The following NARS2 variants were observed in gnomAD, a reference collection of about 807,000 sequenced individuals.
NARS2 encodes the protein asparaginyl-tRNA synthetase.
In NARS2, 60 loss-of-function variants were observed where a neutral mutation model predicts 62.9. That is an observed-to-expected ratio of 0.95 (90% CI 0.77 to 1.18). NARS2 has a LOEUF of 1.18. NARS2 is among the 50% of genes most tolerant of loss of function. NARS2 has a pLI of 0.00. For missense variants in NARS2, 619 were observed against 576.4 expected (o/e 1.07, Z -0.76); for synonymous variants, 196 against 200.0 (o/e 0.98, Z 0.17).
rs1861079913 is a variant in NARS2, at chr11:78,520,631, C to T, written c.689+8211G>A. ...ACAGAATAAAGCCCACTGAATCCTT[C>T]CATAAATCTAAGCTATATATGGGGT... On this transcript the variant is annotated intron_variant, in intron 6 of 13. Transcript: ENST00000281038. Among the ~76,000 whole-genome samples the T allele has an allele frequency of 2.6e-5, 4 of 152,280 alleles. No homozygotes were observed. In the South Asian group the frequency reaches 8.3e-4, roughly 32 times the overall value.
chr11:78,491,937 G>A (rs951350969), intron 7 of NARS2, among the ~76,000 whole-genome samples: 6 of 152,032 alleles, frequency 3.9e-5, no homozygotes, highest in African/African-American at 1.5e-4. Flanking sequence ...GAACAGAAAG[G>A]AGAGTTGATG....
At chr11:78,441,269 G>T in intron 12 of NARS2, 152 bp from the exon 13 acceptor site, 1 of 609,308 alleles carries the variant, frequency 1.6e-6, no homozygotes, top group Non-Finnish European at 2.8e-6. Context: ...TAGTTGAGGA[G>T]CTGAAACCAT....
At chr11:78,453,115 A>C (rs970382580) in intron 11 of NARS2, among the ~76,000 whole-genome samples, 1 of 152,220 alleles carries the variant, frequency 6.6e-6, no homozygotes, top group African/African-American at 2.4e-5. Flanking sequence ...GGCTTGAACT[A>C]AGCAGAAGGA....
At chr11:78,482,950 A>G (rs866132975) in intron 7 of NARS2, among the ~76,000 whole-genome samples, 1 of 152,208 alleles carries the variant, frequency 6.6e-6, no homozygotes, top group African/African-American at 2.4e-5. Context: ...AGAAAATTTC[A>G]GGCCAATATC....
chr11:78,466,780 G>A (rs141402994), intron 10 of NARS2, among the ~76,000 whole-genome samples: 59 of 152,138 alleles, frequency 3.9e-4, no homozygotes, highest in African/African-American at 1.3e-3. Flanking sequence ...AGTGATGGCC[G>A]GTGACTTCTT....
At chr11:78,465,729 G>A in intron 11 of NARS2, 147 bp downstream of exon 11, 1 of 861,394 alleles carries the variant, frequency 1.2e-6, no homozygotes, top group Non-Finnish European at 1.7e-6. Context: ...GATCTTCTTT[G>A]GGAAAAATTT....
At chr11:78,553,156 G>C (rs7481910) in intron 5 of NARS2, among the ~76,000 whole-genome samples, 99,082 of 152,022 alleles carry the variant, frequency 0.65, 35,433 homozygotes, top group Non-Finnish European at 0.81. Flanking sequence ...CCACTGACTG[G>C]TGTGAGATGG....
chr11:78,568,782 A>G (rs2135540577), intron 2 of NARS2, 30 bp from the exon 3 acceptor site: 3 of 1,504,644 alleles, frequency 2.0e-6, no homozygotes, highest in East Asian at 2.3e-5. Flanking sequence ...GATAAACAAG[A>G]TATCATTATA....
chr11:78,533,115 G>A (rs1004684605), intron 5 of NARS2: 6 of 152,128 alleles, frequency 3.9e-5, no homozygotes, highest in African/African-American at 9.7e-5. Context: ...ATTGACTCCT[G>A]CTGTTTTGCC....
At chr11:78,470,690 T>C (rs886160571) in intron 9 of NARS2, among the ~76,000 whole-genome samples, 6 of 152,148 alleles carry the variant, frequency 3.9e-5, no homozygotes, top group African/African-American at 1.4e-4. Flanking sequence ...CTATTTAATA[T>C]TACAAAGTTA....
At chr11:78,503,114 C>T (rs181616714) in intron 6 of NARS2, among the ~76,000 whole-genome samples, 1 of 151,868 alleles carries the variant, frequency 6.6e-6, no homozygotes, top group Admixed American at 6.6e-5. Context: ...ACTTCAGAAA[C>T]TGAGGCTTAG....
At chr11:78,514,128 TTC>T (rs1484161475) in intron 6 of NARS2, among the ~76,000 whole-genome samples, 4 of 152,116 alleles carry the variant, frequency 2.6e-5, no homozygotes, top group African/African-American at 4.8e-5. Context: ...TCTCAGGTAT[TTC>T]TCTCTTTTTT....
chr11:78,451,606 C>T lies in NARS2; in HGVS notation c.1165-7848G>A, dbSNP rs907430189. Among the ~76,000 whole-genome samples the T allele has an allele frequency of 3.3e-5, 5 of 151,934 alleles. No homozygotes were observed. The South Asian group carries it at 6.2e-4, about 19-fold the overall frequency. ...GGGAGGCTGAGACTGGCTTATAGAG[C>T]CAAGGACAATAAAGACAGGAGGAAT... On this transcript the variant is annotated intron_variant, in intron 11 of 13. Coordinates refer to ENST00000281038, the MANE Select transcript of NARS2 (RefSeq NM_024678.6).
At chr11:78,499,062 GCCCGCCACCACGCCCGGCTAATTT>G (rs1860182854) in intron 6 of NARS2, among the ~76,000 whole-genome samples, 1 of 151,432 alleles carries the variant, frequency 6.6e-6, no homozygotes, top group Admixed American at 6.6e-5. Context: ...GACTACAGGC[GCCCGCCACCACGCCCGGCTAATTT>G]TTTGTATTTT....
intron 5 of NARS2, among the ~76,000 whole-genome samples, chr11:78,537,365 C>G (rs915867134): frequency 6.6e-6 from 1 of 152,196 alleles, no homozygotes; most frequent in African/African-American, 2.4e-5. Flanking sequence ...TACCAGGAAG[C>G]TGAAGAGGTG....
chr11:78,553,961 T>C (rs923509058), intron 5 of NARS2, among the ~76,000 whole-genome samples: 3 of 152,246 alleles, frequency 2.0e-5, no homozygotes, highest in Non-Finnish European at 4.4e-5. Context: ...TGCATACGGC[T>C]AGCCAGTTGT....
At chr11:78,483,474 G>T (rs1048555858) in intron 7 of NARS2, among the ~76,000 whole-genome samples, 2 of 152,180 alleles carry the variant, frequency 1.3e-5, no homozygotes, top group African/African-American at 2.4e-5. Flanking sequence ...TGACATGATT[G>T]TATATTTAGA....
At chr11:78,437,390 T>C (rs1198744418) in intron 13 of NARS2, among the ~76,000 whole-genome samples, 1 of 152,200 alleles carries the variant, frequency 6.6e-6, no homozygotes, top group African/African-American at 2.4e-5. Flanking sequence ...GGCACAAAAA[T>C]ATATGCTTGA....
intron 6 of NARS2, among the ~76,000 whole-genome samples, chr11:78,501,673 T>C (rs371983764): frequency 1.7e-4 from 26 of 152,336 alleles, no homozygotes; most frequent in East Asian, 7.7e-4. Flanking sequence ...GGTTTTTTGA[T>C]GGCTAAATTT....
Sources: gnomAD v4.1 joint callset for allele counts (sites outside exome capture counted in the v4.1 genomes callset) on GRCh38, gnomAD v4.1.1 for gene constraint, MANE v1.5 for transcripts, NCBI Gene and HGNC (gene_info 2026-07-23, HGNC 2026-07-21) for gene names.